KCNAB1: variants seen among roughly 807,000 people sequenced by gnomAD.
KCNAB1 encodes the protein potassium voltage-gated channel subfamily A regulatory beta subunit 1.
A neutral mutation model predicts 64.6 loss-of-function variants in KCNAB1; 35 were observed. The ratio of observed to expected loss-of-function variants is 0.54; its 90% CI spans 0.41 to 0.72. KCNAB1 has a LOEUF of 0.72. KCNAB1 is among the 30% of genes least tolerant of loss of function. The probability of loss-of-function intolerance (pLI) is 0.00; values close to 1 mark genes in which losing one functional copy is unlikely to be tolerated. For missense variants in KCNAB1, 401 were observed against 512.9 expected (o/e 0.78, Z 2.11); for synonymous variants, 177 against 183.8 (o/e 0.96, Z 0.30).
chr3:156,502,607 G>T lies in KCNAB1; in HGVS notation c.659-11757G>T, dbSNP rs537781779. ...GATGAATCAGAAACTTAGGTGACAA[G>T]AACAAAACTTTACAAATTTTAGAAG... is the stretch of plus-strand genomic sequence containing the variant. On this transcript the variant is annotated intron_variant, in intron 8 of 13. Coordinates refer to ENST00000490337, the MANE Select transcript of KCNAB1 (RefSeq NM_172160.3). 6.1e-5 allele frequency among the ~76,000 whole-genome samples: 9 copies of T among 148,380 alleles called. No homozygotes were observed. In the South Asian group the frequency reaches 6.4e-4, roughly 11 times the overall value.
chr3:156,506,891 AC>A (rs1443404513), intron 8 of KCNAB1, among the ~76,000 whole-genome samples: 1 of 152,196 alleles, frequency 6.6e-6, no homozygotes, highest in Non-Finnish European at 1.5e-5. Context: ...TCGAAAAAAA[AC>A]AAAAAGAAAG....
chr3:156,361,585 C>T lies in KCNAB1; in HGVS notation c.276-60031C>T, dbSNP rs146200842. Among the ~76,000 whole-genome samples the T allele has an allele frequency of 2.4e-3, 364 of 152,340 alleles. 1 individual carries two copies. Among genetic ancestry groups the T allele is most frequent in the African/African-American group, 8.3e-3 (345 of 41,586 alleles). ...TCACTTTTTCATTGCGATAGCCCTA[C>T]TGCCCAGAGCAGTGCCTGGCACAGA... On this transcript the variant is annotated intron_variant, in intron 1 of 13. Coordinates refer to ENST00000490337, the MANE Select transcript of KCNAB1 (RefSeq NM_172160.3).
intron 1 of KCNAB1, among the ~76,000 whole-genome samples, chr3:156,332,515 C>T (rs1723409807): frequency 6.6e-6 from 1 of 152,092 alleles, no homozygotes; most frequent in South Asian, 2.1e-4. Context: ...TAGTTTCAAC[C>T]AGTATTTGCC....
intron 1 of KCNAB1, among the ~76,000 whole-genome samples, chr3:156,121,740 T>C (rs1713356285): frequency 6.6e-6 from 1 of 152,172 alleles, no homozygotes; most frequent in Non-Finnish European, 1.5e-5. Flanking sequence ...AGATGAAAAA[T>C]GGTTCCAATT....
chr3:156,221,210 G>A (rs771065133), intron 1 of KCNAB1, among the ~76,000 whole-genome samples: 6 of 152,092 alleles, frequency 3.9e-5, no homozygotes, highest in Non-Finnish European at 8.8e-5. Flanking sequence ...GCTCACTTTT[G>A]GTTCCATATG....
At chr3:156,342,379 G>T (rs571581119) in intron 1 of KCNAB1, among the ~76,000 whole-genome samples, 3 of 152,252 alleles carry the variant, frequency 2.0e-5, no homozygotes, top group African/African-American at 7.2e-5. Context: ...TTCACGTGGG[G>T]TCTCCTTATG....
intron 2 of KCNAB1, among the ~76,000 whole-genome samples, chr3:156,438,212 G>A (rs1165117224): frequency 6.6e-6 from 1 of 152,170 alleles, no homozygotes; most frequent in East Asian, 1.9e-4. Context: ...CTCATCCAAT[G>A]ACTGAGTCCA....
chr3:156,476,596 T>C lies in KCNAB1; in HGVS notation c.658+1776T>C, dbSNP rs927853435. On this transcript the variant is annotated intron_variant, in intron 8 of 13. Coordinates refer to ENST00000490337, the MANE Select transcript of KCNAB1 (RefSeq NM_172160.3). ...ACACACACATATATACACACACACA[T>C]ATATATATATCTCACAGTTTCTTTA... is the stretch of plus-strand genomic sequence containing the variant. 3.9e-4 allele frequency among the ~76,000 whole-genome samples: 58 copies of C among 150,342 alleles called. No homozygotes were observed. The East Asian group carries it at 8.4e-3, about 22-fold the overall frequency.
chr3:156,128,826 A>G (rs1560099477), intron 1 of KCNAB1, among the ~76,000 whole-genome samples: 1 of 152,220 alleles, frequency 6.6e-6, no homozygotes, highest in Non-Finnish European at 1.5e-5. Flanking sequence ...AATATATAAC[A>G]TACACCTAAA....
Position 156,312,665 on chromosome 3 carries a change from A to ACTGC in KCNAB1, c.276-108950_276-108947dup, listed in dbSNP as rs575170006. On this transcript the variant is annotated intron_variant, in intron 1 of 13. Coordinates refer to ENST00000490337, the MANE Select transcript of KCNAB1 (RefSeq NM_172160.3). The stretch of plus-strand genomic sequence containing the variant: ...AGGTGGAGGTTGCCAAGATAGCATT[A>ACTGC]CTGCACTCCAGCCTAGGTGACAGAG... Among the ~76,000 whole-genome samples, 111 of 128,382 alleles carry ACTGC rather than the reference A, an allele frequency of 8.6e-4. 4 individuals are homozygous for ACTGC. The highest frequency in any genetic ancestry group is 8.6e-3 in the Admixed American group (100 of 11,690). 84.2% of individuals were successfully genotyped at this position (128,382 alleles called of 152,430 possible).
intron 12 of KCNAB1, among the ~76,000 whole-genome samples, chr3:156,528,960 G>A (rs1250758197): frequency 1.3e-5 from 2 of 152,148 alleles, no homozygotes; most frequent in Non-Finnish European, 2.9e-5. Context: ...GATGAGAGCT[G>A]TATGGGGGAA....
intron 1 of KCNAB1, among the ~76,000 whole-genome samples, chr3:156,250,144 G>A (rs574422557): frequency 2.6e-5 from 4 of 152,162 alleles, no homozygotes; most frequent in Non-Finnish European, 5.9e-5. Flanking sequence ...CAAGCTTGGA[G>A]GGAGAAATTG....
intron 1 of KCNAB1, among the ~76,000 whole-genome samples, chr3:156,270,936 G>T (rs990139486): frequency 6.6e-6 from 1 of 152,112 alleles, no homozygotes; most frequent in Admixed American, 6.5e-5. Flanking sequence ...CATGTGTGAA[G>T]GAAATTTTCA....
intron 11 of KCNAB1, among the ~76,000 whole-genome samples, chr3:156,518,913 C>T (rs1211151441): frequency 6.6e-6 from 1 of 152,212 alleles, no homozygotes; most frequent in Non-Finnish European, 1.5e-5. Flanking sequence ...TCTATCCTCA[C>T]CCCCAGAACC....
intron 1 of KCNAB1, among the ~76,000 whole-genome samples, chr3:156,248,115 C>A (rs1717576567): frequency 1.3e-5 from 2 of 152,194 alleles, no homozygotes; most frequent in South Asian, 4.1e-4. Flanking sequence ...CTGTTAATTT[C>A]TCTTCCTTAA....
At chr3:156,484,728 G>A (rs1879977) in intron 8 of KCNAB1, among the ~76,000 whole-genome samples, 82,294 of 151,850 alleles carry the variant, frequency 0.54, 23,342 homozygotes, top group African/African-American at 0.7. Context: ...CAGGGTAATC[G>A]AAAATTCTCA....
chr3:156,318,480 T>A (rs1722444979), intron 1 of KCNAB1, among the ~76,000 whole-genome samples: 1 of 152,110 alleles, frequency 6.6e-6, no homozygotes, highest in South Asian at 2.1e-4. Flanking sequence ...ATATGGACCC[T>A]ATGCTGCCAG....
At chr3:156,287,889 G>A (rs1260958549) in intron 1 of KCNAB1, among the ~76,000 whole-genome samples, 1 of 151,942 alleles carries the variant, frequency 6.6e-6, no homozygotes, top group Non-Finnish European at 1.5e-5. Flanking sequence ...ATAACTTTTA[G>A]AGGCACCTTC....
chr3:156,249,560 T>TA (rs5853747), intron 1 of KCNAB1, among the ~76,000 whole-genome samples: 2 of 144,084 alleles, frequency 1.4e-5, no homozygotes, highest in African/African-American at 2.6e-5. Context: ...AGACTCTGTC[T>TA]AAAAAAAAAA....
Sources: allele counts gnomAD v4.1 joint callset (sites outside exome capture counted in the v4.1 genomes callset), GRCh38; gene constraint gnomAD v4.1.1; transcripts MANE v1.5; gene names NCBI Gene and HGNC (gene_info 2026-07-23, HGNC 2026-07-21).